The following NSMCE2 variants were observed in gnomAD, a reference collection of about 807,000 sequenced individuals.
The protein encoded by NSMCE2 is NSE2 SUMO ligase component of SMC5/6 complex.
In NSMCE2, 24 loss-of-function variants were observed where a neutral mutation model predicts 23.8. The ratio of observed to expected loss-of-function variants is 1.01; its 90% CI spans 0.73 to 1.42. NSMCE2 has a LOEUF of 1.42. NSMCE2 is among the 40% of genes most tolerant of loss of function. The pLI, the probability that NSMCE2 is intolerant of heterozygous loss-of-function variation, is 0.00. For missense variants in NSMCE2, 284 were observed against 296.5 expected (o/e 0.96, Z 0.31); for synonymous variants, 92 against 94.1 (o/e 0.98, Z 0.13).
intron 5 of NSMCE2, among the ~76,000 whole-genome samples, chr8:125,338,989 G>C (rs1369406961): frequency 1.3e-5 from 2 of 152,200 alleles, no homozygotes; most frequent in Non-Finnish European, 1.5e-5. Context: ...GCTGGGGAGA[G>C]CACAAAGTGC....
chr8:125,306,195 T>G (rs374551109), intron 5 of NSMCE2, among the ~76,000 whole-genome samples: 2 of 152,044 alleles, frequency 1.3e-5, no homozygotes, highest in East Asian at 3.9e-4. Context: ...CCAGGTGTCA[T>G]GGCATGTGCC....
chr8:125,304,572 T>A (rs907728590), intron 5 of NSMCE2, among the ~76,000 whole-genome samples: 9 of 152,016 alleles, frequency 5.9e-5, no homozygotes, highest in Admixed American at 5.9e-4. Flanking sequence ...AAAGTAGAAT[T>A]GAGGCTGGGT....
Position 125,145,664 on chromosome 8 carries a change from G to A in NSMCE2, c.158-5507G>A, listed in dbSNP as rs1298348693. Among the ~76,000 whole-genome samples the A allele has an allele frequency of 4.6e-5, 7 of 152,132 alleles. No individual in the cohort carries two copies. The South Asian group carries it at 8.3e-4, about 18-fold the overall frequency. Reference sequence around the variant, plus strand: ...ACTTCGCTTGGCAGGGCTGGGGGTCGGGGGAGTCAAATGTGTGGCTAATAA... The same window carrying A: ...ACTTCGCTTGGCAGGGCTGGGGGTCAGGGGAGTCAAATGTGTGGCTAATAA... On this transcript the variant is annotated intron_variant, in intron 3 of 7. Coordinates refer to ENST00000287437, the MANE Select transcript of NSMCE2 (RefSeq NM_173685.4).
intron 5 of NSMCE2, among the ~76,000 whole-genome samples, chr8:125,322,481 A>T (rs1448957468): frequency 6.6e-6 from 1 of 152,250 alleles, no homozygotes; most frequent in Non-Finnish European, 1.5e-5. Flanking sequence ...TCTTAAATCT[A>T]CTAATGAGCA....
chr8:125,216,413 G>A (rs58383711), intron 5 of NSMCE2, among the ~76,000 whole-genome samples: 15,059 of 152,170 alleles, frequency 0.099, 956 homozygotes, highest in South Asian at 0.17. Flanking sequence ...GCCGAGGCAG[G>A]CAGATTACCT....
intron 3 of NSMCE2, among the ~76,000 whole-genome samples, chr8:125,129,175 A>C (rs146720888): frequency 6.6e-6 from 1 of 152,220 alleles, no homozygotes; most frequent in East Asian, 1.9e-4. Flanking sequence ...GTGGGGAGGG[A>C]ATACGTGAAA....
chr8:125,166,514 G>A (rs994648752), intron 4 of NSMCE2, among the ~76,000 whole-genome samples: 8 of 152,168 alleles, frequency 5.3e-5, no homozygotes, highest in East Asian at 1.9e-4. Flanking sequence ...CGATCTCCCC[G>A]CTTTGGCCTC....
At chr8:125,356,326 G>GTTTTTTTTTTTTT (rs747884264) in intron 5 of NSMCE2, among the ~76,000 whole-genome samples, 2 of 105,436 alleles carry the variant, frequency 1.9e-5, no homozygotes, top group African/African-American at 3.6e-5. Context: ...TAATTTTTTG[G>GTTTTTTTTTTTTT]TTTTTTTTTT....
chr8:125,346,988 T>G (rs1812787578), intron 5 of NSMCE2, among the ~76,000 whole-genome samples: 1 of 152,180 alleles, frequency 6.6e-6, no homozygotes, highest in Non-Finnish European at 1.5e-5. Flanking sequence ...TTCAAAATCT[T>G]CAGAGGAGTG....
chr8:125,266,312 A>G (rs1027567585), intron 5 of NSMCE2, among the ~76,000 whole-genome samples: 1 of 152,168 alleles, frequency 6.6e-6, no homozygotes, highest in Non-Finnish European at 1.5e-5. Context: ...GCTGAGGTCT[A>G]TTTTTTAAAC....
intron 4 of NSMCE2, among the ~76,000 whole-genome samples, chr8:125,153,056 CA>C (rs768246218): frequency 1.4e-3 from 68 of 47,456 alleles, no homozygotes; most frequent in East Asian, 5.8e-3. Context: ...GACTCCGTCT[CA>C]AAAAAAAAAA....
At chr8:125,235,284 G>A (rs780923427) in intron 5 of NSMCE2, among the ~76,000 whole-genome samples, 6 of 150,522 alleles carry the variant, frequency 4.0e-5, no homozygotes, top group Non-Finnish European at 7.4e-5. Flanking sequence ...TTTCCCAAGA[G>A]TTTATATATT....
intron 4 of NSMCE2, among the ~76,000 whole-genome samples, chr8:125,155,107 G>A (rs1040147364): frequency 3.3e-5 from 5 of 152,150 alleles, no homozygotes; most frequent in Non-Finnish European, 5.9e-5. Flanking sequence ...CAGGATATGC[G>A]AAGTCCAGAA....
chr8:125,178,634 G>A (rs893137119), intron 4 of NSMCE2, among the ~76,000 whole-genome samples: 182 of 152,280 alleles, frequency 1.2e-3, no homozygotes, highest in African/African-American at 4.2e-3. Flanking sequence ...ACTTTGGGAG[G>A]TGGAGGCGGG....
At chr8:125,181,745 T>G (rs1056450873) in intron 4 of NSMCE2, among the ~76,000 whole-genome samples, 6 of 151,460 alleles carry the variant, frequency 4.0e-5, no homozygotes, top group Non-Finnish European at 5.9e-5. Flanking sequence ...TAACCACTTG[T>G]GAGTGTGAGA....
chr8:125,315,159 G>C (rs1010605851), intron 5 of NSMCE2, among the ~76,000 whole-genome samples: 1 of 152,034 alleles, frequency 6.6e-6, no homozygotes, highest in Non-Finnish European at 1.5e-5. Flanking sequence ...GTTAGGAACA[G>C]AGAGAGGAGT....
intron 3 of NSMCE2, 40 bp downstream of exon 3, chr8:125,102,527 T>TA (rs1818246824): frequency 6.5e-7 from 1 of 1,537,006 alleles, no homozygotes; most frequent in East Asian, 2.2e-5. Context: ...TACTTTGAGG[T>TA]AACACTGTGT....
chr8:125,129,998 T>G (rs181064760), intron 3 of NSMCE2, among the ~76,000 whole-genome samples: 40 of 152,266 alleles, frequency 2.6e-4, no homozygotes, highest in Middle Eastern at 3.4e-3. Context: ...TTTATTTGGA[T>G]TTCACTGATA....
intron 1 of NSMCE2, among the ~76,000 whole-genome samples, chr8:125,096,463 A>G (rs1368280818): frequency 6.6e-6 from 1 of 151,182 alleles, no homozygotes; most frequent in East Asian, 1.9e-4. Context: ...GTAACCCATT[A>G]TCTCATATAT....
Sources: gnomAD v4.1 joint callset for allele counts (sites outside exome capture counted in the v4.1 genomes callset) on GRCh38, gnomAD v4.1.1 for gene constraint, MANE v1.5 for transcripts, NCBI Gene and HGNC (gene_info 2026-07-23, HGNC 2026-07-21) for gene names.